UQCC1: variants seen among roughly 807,000 people sequenced by gnomAD.
The protein encoded by UQCC1 is bFGF-repressed Zic-binding protein.
UQCC1 carries 38 observed loss-of-function variants against 48.0 expected under a neutral mutation model. The ratio of observed to expected loss-of-function variants is 0.79; its 90% CI spans 0.61 to 1.04. The LOEUF (loss-of-function observed/expected upper bound fraction) is 1.04, where lower values mean the gene tolerates loss of function less well. UQCC1 is among the 50% of genes least tolerant of loss of function. The pLI is 0.00. For missense variants in UQCC1, 368 were observed against 381.8 expected (o/e 0.96, Z 0.30); for synonymous variants, 111 against 129.2 (o/e 0.86, Z 0.95).
At chr20:35,359,668 A>G (rs1035940479) in intron 6 of UQCC1, among the ~76,000 whole-genome samples, 1 of 152,112 alleles carries the variant, frequency 6.6e-6, no homozygotes, top group African/African-American at 2.4e-5. Context: ...AATAAAGACT[A>G]GCAGGCACTT....
chr20:35,358,176 A>C (rs2061567049), intron 6 of UQCC1, among the ~76,000 whole-genome samples: 1 of 152,024 alleles, frequency 6.6e-6, no homozygotes, highest in Non-Finnish European at 1.5e-5. Context: ...CAACCTGGTG[A>C]AACCTCATCT....
intron 5 of UQCC1, among the ~76,000 whole-genome samples, chr20:35,373,721 A>G: frequency 6.6e-6 from 1 of 152,000 alleles, no homozygotes; most frequent in South Asian, 2.1e-4. Flanking sequence ...TCCAGACTGT[A>G]AAACAGAATA....
At chr20:35,351,315 C>G (rs1001422753) in intron 6 of UQCC1, among the ~76,000 whole-genome samples, 1 of 150,406 alleles carries the variant, frequency 6.6e-6, no homozygotes, top group Non-Finnish European at 1.5e-5. Context: ...CTCTTGAACC[C>G]GGGAGGCAGA....
At chr20:35,364,162 C>T (rs2061639555) in intron 6 of UQCC1, among the ~76,000 whole-genome samples, 1 of 152,178 alleles carries the variant, frequency 6.6e-6, no homozygotes, top group South Asian at 2.1e-4. Flanking sequence ...ATTATTCCCT[C>T]AATCTAAAAT....
chr20:35,395,247 C>T (rs1197613951), intron 1 of UQCC1, among the ~76,000 whole-genome samples: 2 of 152,114 alleles, frequency 1.3e-5, no homozygotes, highest in Non-Finnish European at 2.9e-5. Context: ...GGAGAAGCTA[C>T]AAGTTCCAAC....
chr20:35,340,794 C>T (rs186119070), intron 7 of UQCC1, among the ~76,000 whole-genome samples: 4 of 152,116 alleles, frequency 2.6e-5, no homozygotes, highest in Admixed American at 2.0e-4. Context: ...ATTTTTATAT[C>T]GTAAAATAGA....
At chr20:35,374,631 G>A (rs1262485614) in intron 4 of UQCC1, among the ~76,000 whole-genome samples, 1 of 151,602 alleles carries the variant, frequency 6.6e-6, no homozygotes, top group Non-Finnish European at 1.5e-5. Flanking sequence ...ACATTCTTCT[G>A]GCCAAAATCA....
intron 8 of UQCC1, chr20:35,307,156 C>T (rs1424807555): frequency 1.2e-5 from 4 of 336,676 alleles, no homozygotes; most frequent in African/African-American, 8.5e-5. Context: ...GCTCCCCCTG[C>T]TGTCCACAGG....
chr20:35,359,938 C>G (rs1384802008), intron 6 of UQCC1, among the ~76,000 whole-genome samples: 2 of 152,136 alleles, frequency 1.3e-5, no homozygotes, highest in Non-Finnish European at 2.9e-5. Flanking sequence ...CTGGGGGGAG[C>G]ATGAGGGCCA....
chr20:35,373,267 T>C (rs2061754897), intron 5 of UQCC1, among the ~76,000 whole-genome samples: 1 of 152,258 alleles, frequency 6.6e-6, no homozygotes, highest in African/African-American at 2.4e-5. Flanking sequence ...TATATGCCTT[T>C]TGACCCAATA....
At chr20:35,395,740 C>G (rs2062068397) in intron 1 of UQCC1, among the ~76,000 whole-genome samples, 1 of 151,956 alleles carries the variant, frequency 6.6e-6, no homozygotes, top group African/African-American at 2.4e-5. Flanking sequence ...AAAATCCTGC[C>G]AGAATGGGGT....
rs552793579 is a variant in UQCC1 at position 35,314,648 on chromosome 20, G to A, written c.651+40C>T. ...CTCTCATCAAAAGCCTTTGCTGGGG[G>A]AGGCCACCGTCCTGCCTAAGCCTTG... is the stretch of plus-strand genomic sequence containing the variant. On this transcript the variant is annotated intron_variant, in intron 8 of 9. Coordinates refer to ENST00000374385, the MANE Select transcript of UQCC1 (RefSeq NM_018244.5). 73 of 1,550,168 alleles carry A rather than the reference G, an allele frequency of 4.7e-5. No individual in the cohort carries two copies. The South Asian group carries it at 7.4e-4, about 16-fold the overall frequency.
intron 4 of UQCC1, among the ~76,000 whole-genome samples, chr20:35,374,791 G>C (rs1001075100): frequency 2.0e-5 from 3 of 151,226 alleles, no homozygotes; most frequent in Admixed American, 6.6e-5. Flanking sequence ...TGTAAATAAG[G>C]GTTTCTAATG....
chr20:35,328,346 T>C (rs1343567730), intron 7 of UQCC1, among the ~76,000 whole-genome samples: 2 of 152,222 alleles, frequency 1.3e-5, no homozygotes, highest in Non-Finnish European at 2.9e-5. Flanking sequence ...CAAAACCACC[T>C]TTCCTTTTTC....
chr20:35,359,001 G>A (rs1360740000), intron 6 of UQCC1, among the ~76,000 whole-genome samples: 1 of 151,992 alleles, frequency 6.6e-6, no homozygotes, highest in East Asian at 1.9e-4. Flanking sequence ...AGCTAGCAAA[G>A]TAAAGAAAAA....
At chr20:35,355,333 A>T (rs2061535329) in intron 6 of UQCC1, among the ~76,000 whole-genome samples, 1 of 152,256 alleles carries the variant, frequency 6.6e-6, no homozygotes, top group Admixed American at 6.5e-5. Flanking sequence ...GTTACTGAAG[A>T]TTCCCATGAG....
chr20:35,373,701 A>C (rs1041498274), intron 5 of UQCC1, among the ~76,000 whole-genome samples: 7 of 152,164 alleles, frequency 4.6e-5, no homozygotes, highest in South Asian at 2.1e-4. Context: ...AAAAAAAAAA[A>C]AAAAAACCAT....
intron 5 of UQCC1, among the ~76,000 whole-genome samples, chr20:35,369,933 C>T (rs1016491332): frequency 3.9e-5 from 6 of 152,150 alleles, no homozygotes; most frequent in Non-Finnish European, 7.3e-5. Flanking sequence ...GGGTTAAAGA[C>T]AAAGCAGTCT....
At chr20:35,406,084 CA>C (rs1041931168) in intron 1 of UQCC1, among the ~76,000 whole-genome samples, 1 of 150,674 alleles carries the variant, frequency 6.6e-6, no homozygotes. Context: ...AAAGCAAAAA[CA>C]AAAAAAGAAA....
Sources: gnomAD v4.1 joint callset for allele counts (sites outside exome capture counted in the v4.1 genomes callset) on GRCh38, gnomAD v4.1.1 for gene constraint, MANE v1.5 for transcripts, NCBI Gene and HGNC (gene_info 2026-07-23, HGNC 2026-07-21) for gene names.